The following ACSBG2 variants were observed in gnomAD, a reference collection of about 807,000 sequenced individuals.
ACSBG2 encodes the protein long-chain-fatty-acid--CoA ligase ACSBG2.
ACSBG2 carries 62 observed loss-of-function variants against 74.7 expected under a neutral mutation model. The observed-to-expected ratio is 0.83, with a 90% CI of 0.68 to 1.03. The LOEUF (loss-of-function observed/expected upper bound fraction) is 1.03. Among genes scored for constraint, ACSBG2 ranks in the 50% least tolerant of loss-of-function variants. The pLI is 0.00. For synonymous variants in ACSBG2, 309 were observed against 294.1 expected, an observed-to-expected ratio of 1.05 and a Z score of -0.52; for missense variants, 730 against 817.6, an observed-to-expected ratio of 0.89 and a Z score of 1.31.
At chr19:6,182,056 TA>T (rs1372452250) in intron 8 of ACSBG2, among the ~76,000 whole-genome samples, 1 of 152,128 alleles carries the variant, frequency 6.6e-6, no homozygotes, top group Non-Finnish European at 1.5e-5. Flanking sequence ...CAGTTCTGGG[TA>T]AACCAGGACG....
intron 3 of ACSBG2, among the ~76,000 whole-genome samples, chr19:6,150,985 G>A (rs1214519241): frequency 1.3e-5 from 2 of 151,648 alleles, no homozygotes; most frequent in Non-Finnish European, 1.5e-5. Flanking sequence ...GTGGTGGCGC[G>A]TGTCTGTAAT....
At chr19:6,171,853 A>G (rs2089976106) in intron 7 of ACSBG2, among the ~76,000 whole-genome samples, 1 of 152,166 alleles carries the variant, frequency 6.6e-6, no homozygotes, top group East Asian at 1.9e-4. Context: ...AATGCATTTA[A>G]GTCACAGGTT....
chr19:6,182,003 C>A (rs1021889417), intron 8 of ACSBG2, among the ~76,000 whole-genome samples: 5 of 152,236 alleles, frequency 3.3e-5, no homozygotes, highest in African/African-American at 4.8e-5. Flanking sequence ...CCTGGGACTT[C>A]CCCAGTTTTA....
intron 3 of ACSBG2, among the ~76,000 whole-genome samples, chr19:6,150,082 G>A (rs1203689950): frequency 1.3e-5 from 2 of 151,666 alleles, no homozygotes; most frequent in East Asian, 3.9e-4. Flanking sequence ...CTGGGTGACA[G>A]AGCGAGACAA....
intron 3 of ACSBG2, 85 bp downstream of exon 3, chr19:6,147,760 C>A: frequency 7.0e-7 from 1 of 1,433,752 alleles, no homozygotes; most frequent in Non-Finnish European, 9.7e-7. Context: ...ACAAAATTCA[C>A]AAGGCACCAA....
intron 13 of ACSBG2, chr19:6,189,711 CT>C (rs1207931109): frequency 1.4e-5 from 2 of 140,724 alleles, no homozygotes; most frequent in East Asian, 1.9e-4. Flanking sequence ...TTCTTTCTTT[CT>C]TTCTTTTTTT....
At position 6,145,159 on chromosome 19, in the gene ACSBG2, G is replaced by A. The variant is rs960940680; in HGVS notation, c.68-2287G>A. Among the ~76,000 whole-genome samples the A allele has an allele frequency of 1.4e-3, 206 of 152,208 alleles. 1 individual carries two copies. Among genetic ancestry groups the A allele is most frequent in the Non-Finnish European group, 2.1e-3 (146 of 68,024 alleles). On this transcript the variant is annotated intron_variant, in intron 2 of 14. Coordinates refer to ENST00000588485, the MANE Select transcript of ACSBG2 (RefSeq NM_030924.5). ...CATGCCTGTAATCCCAGCACTTTGGGAAGCCGAGGCAGGCGGATCACAAGG... is the reference window on the plus strand; with the variant it reads ...CATGCCTGTAATCCCAGCACTTTGGAAAGCCGAGGCAGGCGGATCACAAGG...
chr19:6,172,151 T>C (rs2145180318), intron 7 of ACSBG2, among the ~76,000 whole-genome samples: 2 of 152,340 alleles, frequency 1.3e-5, no homozygotes, highest in Middle Eastern at 6.8e-3. Flanking sequence ...TTAAGTTTCC[T>C]TCCAATTCAT....
rs7252466 is a variant in ACSBG2, at chr19:6,151,692, C to T, written c.298-15C>T. On this transcript the variant is annotated splice_polypyrimidine_tract_variant and intron_variant, in intron 3 of 14. Coordinates refer to ENST00000588485, the MANE Select transcript of ACSBG2 (RefSeq NM_030924.5). Reference sequence around the variant, plus strand: ...TGTTTATGTTTTGTTTTTCTGTTTGCTTTTTCCTTCCCAGCTGGGTTTGGA... The same window carrying T: ...TGTTTATGTTTTGTTTTTCTGTTTGTTTTTTCCTTCCCAGCTGGGTTTGGA... 0.67 allele frequency: 1,056,276 copies of T among 1,577,986 alleles called. 357,135 individuals carry two copies. The highest frequency in any genetic ancestry group is 0.74 in the Admixed American group (39,702 of 53,894).
chr19:6,148,803 C>T (rs376904483), intron 3 of ACSBG2, among the ~76,000 whole-genome samples: 18 of 152,082 alleles, frequency 1.2e-4, no homozygotes, highest in Admixed American at 8.5e-4. Flanking sequence ...CCCCTCCTCC[C>T]GTAAATCTTG....
chr19:6,192,126 A>G (rs558554501), intron 14 of ACSBG2: 4 of 151,398 alleles, frequency 2.6e-5, no homozygotes, highest in African/African-American at 9.8e-5. Flanking sequence ...TCAGTATTTT[A>G]AAATTTTGAT....
intron 7 of ACSBG2, among the ~76,000 whole-genome samples, chr19:6,166,300 GTGT>G (rs2089806441): frequency 6.7e-6 from 1 of 148,342 alleles, no homozygotes; most frequent in East Asian, 2.0e-4. Context: ...GTGTGTGTGT[GTGT>G]GTGTGTGTGT....
In ACSBG2 at chr19:6,187,123, A is replaced by G. The variant is rs112723621; in HGVS notation, c.1541-160A>G. Among the ~76,000 whole-genome samples, 12,601 of 148,008 alleles carry G rather than the reference A, an allele frequency of 0.085. 925 individuals are homozygous for G. The highest frequency in any genetic ancestry group is 0.2 in the African/African-American group (8,129 of 40,162). On this transcript the variant is annotated intron_variant, in intron 11 of 14. Transcript: ENST00000588485. Reference sequence around the variant, plus strand: ...AGGTTCAAGTGATTCTCCTGCCTCAACCTCCCGAGTAGCTGGGATTACAGG... The same window carrying G: ...AGGTTCAAGTGATTCTCCTGCCTCAGCCTCCCGAGTAGCTGGGATTACAGG...
At chr19:6,155,365 A>G in intron 4 of ACSBG2, among the ~76,000 whole-genome samples, 1 of 152,236 alleles carries the variant, frequency 6.6e-6, no homozygotes, top group East Asian at 1.9e-4. Context: ...AAAAGCACGG[A>G]ATGGTTTCAC....
chr19:6,141,882 C>T (rs1483715746), intron 2 of ACSBG2, among the ~76,000 whole-genome samples: 1 of 152,130 alleles, frequency 6.6e-6, no homozygotes, highest in African/African-American at 2.4e-5. Context: ...TACAGGTGCA[C>T]ACCACCATGC....
intron 2 of ACSBG2, among the ~76,000 whole-genome samples, chr19:6,143,955 T>C (rs2088937261): frequency 7.6e-6 from 1 of 131,182 alleles, no homozygotes; most frequent in Non-Finnish European, 1.7e-5. Flanking sequence ...AATTTGGTTT[T>C]TTTGTTGTTG....
chr19:6,157,542 G>A (rs142290305), intron 5 of ACSBG2, among the ~76,000 whole-genome samples: 102 of 152,194 alleles, frequency 6.7e-4, no homozygotes, highest in African/African-American at 2.5e-3. Flanking sequence ...CAGCCTGGGT[G>A]ACAGAGAGAG....
At chr19:6,151,398 C>G (rs1000931079) in intron 3 of ACSBG2, among the ~76,000 whole-genome samples, 1 of 152,134 alleles carries the variant, frequency 6.6e-6, no homozygotes, top group Non-Finnish European at 1.5e-5. Context: ...GCCTCGAACT[C>G]TAGGGCTCAA....
intron 5 of ACSBG2, among the ~76,000 whole-genome samples, chr19:6,157,415 G>A (rs2089462274): frequency 6.6e-6 from 1 of 152,156 alleles, no homozygotes; most frequent in Admixed American, 6.5e-5. Flanking sequence ...AATTTAGCCG[G>A]GTGTGGTGGC....
Sources: gnomAD v4.1 joint callset for allele counts (sites outside exome capture counted in the v4.1 genomes callset) on GRCh38, gnomAD v4.1.1 for gene constraint, MANE v1.5 for transcripts, NCBI Gene and HGNC (gene_info 2026-07-23, HGNC 2026-07-21) for gene names.